DCLK1: variants seen among roughly 807,000 people sequenced by gnomAD.
DCLK1 encodes the protein doublecortin like kinase 1, also known as serine/threonine-protein kinase DCLK1.
A neutral mutation model predicts 86.2 loss-of-function variants in DCLK1; 16 were observed. The observed-to-expected ratio is 0.19, with a 90% confidence interval of 0.13 to 0.28. The LOEUF (loss-of-function observed/expected upper bound fraction) is 0.28. DCLK1 is among the 10% of genes least tolerant of loss of function. The pLI, the probability that DCLK1 is intolerant of heterozygous loss-of-function variation, is 1.00. For synonymous variants in DCLK1, 369 were observed against 370.5 expected, an observed-to-expected ratio of 1.00 and a Z score of 0.05; for missense variants, 590 against 940.2, an observed-to-expected ratio of 0.63 and a Z score of 4.87.
rs1315555780 is a variant in DCLK1, at chr13:35,958,157, A to AACCATCACC, written c.724-10709_724-10701dup. Among the ~76,000 whole-genome samples the AACCATCACC allele has an allele frequency of 4.0e-4, 10 of 24,946 alleles. No homozygotes were observed. In the East Asian group the frequency reaches 6.1e-3, roughly 15 times the overall value. The allele number at this position is 24,946 out of a possible 152,430, so 16.4% of individuals were successfully genotyped here. A position where few individuals can be genotyped will look rare whatever the true frequency, so the allele number is the denominator to read the frequency against. ...CTATAACCACCACCACCACCACTAT[A>AACCATCACC]ACCATCACCACCATCACCACTATAA... On this transcript the variant is annotated intron_variant, in intron 3 of 16. Transcript: ENST00000360631.
At chr13:35,932,319 C>T (rs1668705354) in intron 4 of DCLK1, among the ~76,000 whole-genome samples, 1 of 152,196 alleles carries the variant, frequency 6.6e-6, no homozygotes, top group South Asian at 2.1e-4. Context: ...GTAACACTGG[C>T]TTTCCTGGGT....
At chr13:35,978,680 C>T (rs539881766) in intron 3 of DCLK1, among the ~76,000 whole-genome samples, 4 of 152,270 alleles carry the variant, frequency 2.6e-5, no homozygotes, top group Admixed American at 1.3e-4. Flanking sequence ...AAACAACCAA[C>T]ATGTAATATC....
intron 3 of DCLK1, among the ~76,000 whole-genome samples, chr13:36,038,525 T>C (rs1460490093): frequency 6.6e-6 from 1 of 152,174 alleles, no homozygotes; most frequent in Non-Finnish European, 1.5e-5. Context: ...GGCACATACC[T>C]GTTTTTGTTT....
chr13:35,796,867 A>T (rs1489278298), intron 15 of DCLK1, among the ~76,000 whole-genome samples: 2 of 152,192 alleles, frequency 1.3e-5, no homozygotes, highest in Non-Finnish European at 2.9e-5. Flanking sequence ...GCGGAAGGAG[A>T]ATTGAATTAG....
At chr13:35,873,791 G>A (rs547927950) in intron 4 of DCLK1, among the ~76,000 whole-genome samples, 1 of 152,076 alleles carries the variant, frequency 6.6e-6, no homozygotes, top group African/African-American at 2.4e-5. Context: ...ACAAATATTG[G>A]ATTTCCTTTC....
chr13:35,901,491 CAAA>C (rs58801666), intron 4 of DCLK1, among the ~76,000 whole-genome samples: 19 of 45,876 alleles, frequency 4.1e-4, no homozygotes, highest in Admixed American at 1.4e-3. Flanking sequence ...GACTCTGTCT[CAAA>C]AAAAAAAAAA....
In DCLK1 at chr13:35,912,947, C is replaced by T. The variant is rs78546664; in HGVS notation, c.823+34411G>A. On this transcript the variant is annotated intron_variant, in intron 4 of 16. Coordinates refer to ENST00000360631, the MANE Select transcript of DCLK1 (RefSeq NM_001330071.2). The stretch of plus-strand genomic sequence containing the variant: ...CCTACAGAGAGTCTGCTCCTGCTGG[C>T]GCCCAGAGTAGCTGGCCGGATCCTG... 9.2e-3 allele frequency among the ~76,000 whole-genome samples: 1,406 copies of T among 152,312 alleles called. 12 individuals carry two copies. Among genetic ancestry groups the T allele is most frequent in the Non-Finnish European group, 0.014 (957 of 68,022 alleles).
intron 4 of DCLK1, among the ~76,000 whole-genome samples, chr13:35,926,503 G>A (rs570717909): frequency 2.2e-4 from 34 of 152,288 alleles, no homozygotes; most frequent in African/African-American, 8.2e-4. Flanking sequence ...AAGCATTGCT[G>A]CTGACTGTGG....
At chr13:35,868,203 T>C (rs554684221) in intron 5 of DCLK1, among the ~76,000 whole-genome samples, 2 of 152,170 alleles carry the variant, frequency 1.3e-5, no homozygotes, top group East Asian at 1.9e-4. Flanking sequence ...TTTGTATTTT[T>C]AGTAGAGACA....
intron 3 of DCLK1, among the ~76,000 whole-genome samples, chr13:36,025,232 T>G (rs553317127): frequency 6.6e-6 from 1 of 152,250 alleles, no homozygotes; most frequent in South Asian, 2.1e-4. Context: ...CCTCCCAAAG[T>G]GTTGGAATTA....
At chr13:35,904,911 C>T (rs945189225) in intron 4 of DCLK1, among the ~76,000 whole-genome samples, 1 of 152,206 alleles carries the variant, frequency 6.6e-6, no homozygotes, top group African/African-American at 2.4e-5. Context: ...ATCTCTGCAA[C>T]TCATTCTGTT....
chr13:35,806,310 G>C (rs946463967), intron 14 of DCLK1, among the ~76,000 whole-genome samples: 1 of 152,126 alleles, frequency 6.6e-6, no homozygotes, highest in African/African-American at 2.4e-5. Flanking sequence ...TGATCCTTTA[G>C]TAGCTAAAGA....
At chr13:36,114,525 T>C (rs552763759) in intron 2 of DCLK1, among the ~76,000 whole-genome samples, 80 of 152,364 alleles carry the variant, frequency 5.3e-4, no homozygotes, top group African/African-American at 1.9e-3. Flanking sequence ...TCTGTGACAC[T>C]ATTCAGGAAT....
At chr13:35,788,239 T>C (rs542310595) in intron 16 of DCLK1, 1 of 1,613,972 alleles carries the variant, frequency 6.2e-7, no homozygotes, top group East Asian at 2.2e-5. Context: ...TGGTTGCTGG[T>C]AGTAGTCCAA....
At chr13:35,835,377 C>T (rs1347503558) in intron 8 of DCLK1, among the ~76,000 whole-genome samples, 1 of 152,174 alleles carries the variant, frequency 6.6e-6, no homozygotes, top group Non-Finnish European at 1.5e-5. Context: ...CAAGCAGCTG[C>T]TCAGGAAAAG....
intron 3 of DCLK1, among the ~76,000 whole-genome samples, chr13:35,977,235 T>A (rs1879395268): frequency 6.6e-6 from 1 of 152,214 alleles, no homozygotes; most frequent in Admixed American, 6.5e-5. Context: ...ATGAGCCTCA[T>A]AAATGCCAGC....
chr13:35,906,554 A>G (rs536616634), intron 4 of DCLK1, among the ~76,000 whole-genome samples: 199 of 152,288 alleles, frequency 1.3e-3, no homozygotes, highest in Admixed American at 3.5e-3. Context: ...GAAAGGAGGG[A>G]ATGAAACCTT....
chr13:35,960,416 TG>T (rs1878390340), intron 3 of DCLK1, among the ~76,000 whole-genome samples: 1 of 152,194 alleles, frequency 6.6e-6, no homozygotes, highest in Admixed American at 6.5e-5. Context: ...CTCAGCAATC[TG>T]GGGAAAAGGG....
At chr13:35,938,909 T>C (rs1162493466) in intron 4 of DCLK1, among the ~76,000 whole-genome samples, 1 of 152,112 alleles carries the variant, frequency 6.6e-6, no homozygotes. Context: ...AGAGAAAATG[T>C]AAAGAAAAGA....
Sources: allele counts gnomAD v4.1 joint callset (sites outside exome capture counted in the v4.1 genomes callset), GRCh38; gene constraint gnomAD v4.1.1; transcripts MANE v1.5; gene names NCBI Gene and HGNC (gene_info 2026-07-23, HGNC 2026-07-21).